The following PCCA variants were observed in gnomAD, a reference collection of about 807,000 sequenced individuals.
The protein encoded by PCCA is propionyl-CoA carboxylase subunit alpha.
In PCCA, 74 loss-of-function variants were observed where a neutral mutation model predicts 101.3. The observed-to-expected ratio is 0.73, with a 90% CI of 0.61 to 0.89. The LOEUF is 0.89. Ranked by LOEUF, PCCA falls within the 40% of genes least tolerant of loss-of-function variation. The pLI is 0.00. For synonymous variants in PCCA, 294 were observed against 313.6 expected, an observed-to-expected ratio of 0.94 and a Z score of 0.66; for missense variants, 891 against 907.0, an observed-to-expected ratio of 0.98 and a Z score of 0.23.
chr13:100,360,539 G>A (rs1313718253), intron 18 of PCCA, among the ~76,000 whole-genome samples: 1 of 152,114 alleles, frequency 6.6e-6, no homozygotes, highest in Non-Finnish European at 1.5e-5. Context: ...AGGACACAAA[G>A]CACTAAACAT....
At chr13:100,199,216 G>A (rs2058320297) in intron 6 of PCCA, among the ~76,000 whole-genome samples, 1 of 152,080 alleles carries the variant, frequency 6.6e-6, no homozygotes, top group Admixed American at 6.6e-5. Flanking sequence ...GGAAAGCTGT[G>A]TGACCCATCT....
intron 6 of PCCA, among the ~76,000 whole-genome samples, chr13:100,159,585 A>G (rs376166198): frequency 6.6e-6 from 1 of 152,212 alleles, no homozygotes; most frequent in African/African-American, 2.4e-5. Flanking sequence ...AGATAAGATC[A>G]ATATCTTTGT....
intron 4 of PCCA, among the ~76,000 whole-genome samples, chr13:100,140,795 G>A (rs2051774426): frequency 6.6e-6 from 1 of 152,122 alleles, no homozygotes; most frequent in Non-Finnish European, 1.5e-5. Flanking sequence ...GGCCAGGGGT[G>A]TTTCTTGAAA....
chr13:100,151,632 A>C (rs775925443), intron 4 of PCCA, among the ~76,000 whole-genome samples: 47 of 152,198 alleles, frequency 3.1e-4, no homozygotes, highest in South Asian at 8.3e-4. Flanking sequence ...CAAAACAAAA[A>C]AAACCCTAAA....
At chr13:100,133,370 G>A (rs1332844565) in intron 4 of PCCA, among the ~76,000 whole-genome samples, 1 of 152,100 alleles carries the variant, frequency 6.6e-6, no homozygotes, top group Non-Finnish European at 1.5e-5. Flanking sequence ...TCTTGACAGT[G>A]TCTACTGCAG....
intron 4 of PCCA, among the ~76,000 whole-genome samples, chr13:100,114,248 A>G (rs906976799): frequency 6.6e-6 from 1 of 152,048 alleles, no homozygotes; most frequent in South Asian, 2.1e-4. Context: ...AGCTCAAACA[A>G]CTCTATAGGA....
intron 6 of PCCA, among the ~76,000 whole-genome samples, chr13:100,191,267 G>A (rs1054027014): frequency 1.3e-5 from 2 of 152,206 alleles, no homozygotes; most frequent in South Asian, 2.1e-4. Flanking sequence ...AGCTTCTTAA[G>A]GTTTCAAGTG....
intron 18 of PCCA, among the ~76,000 whole-genome samples, chr13:100,366,833 ATATCCT>A (rs1192225931): frequency 1.3e-5 from 2 of 152,182 alleles, no homozygotes; most frequent in Non-Finnish European, 2.9e-5. Flanking sequence ...TATTTAAAAC[ATATCCT>A]TATCTTCAGA....
intron 18 of PCCA, among the ~76,000 whole-genome samples, chr13:100,367,375 TGTGTAAGTTTCC>T (rs1165890988): frequency 3.9e-5 from 6 of 152,060 alleles, no homozygotes; most frequent in African/African-American, 1.4e-4. Context: ...AAAGAAATAA[TGTGTAAGTTTCC>T]AAGATGAGGA....
At chr13:100,306,350 T>C (rs998834828) in intron 14 of PCCA, among the ~76,000 whole-genome samples, 3 of 152,358 alleles carry the variant, frequency 2.0e-5, no homozygotes, top group African/African-American at 4.8e-5. Flanking sequence ...AGGATGTGCC[T>C]GACAGTCTGA....
At chr13:100,276,945 T>C (rs1017729393) in intron 12 of PCCA, among the ~76,000 whole-genome samples, 3 of 152,180 alleles carry the variant, frequency 2.0e-5, no homozygotes, top group African/African-American at 7.2e-5. Flanking sequence ...TGTTGGGCCT[T>C]GTTATTATAC....
chr13:100,275,145 G>A (rs9518038), intron 12 of PCCA, among the ~76,000 whole-genome samples: 63,490 of 151,836 alleles, frequency 0.42, 15,268 homozygotes, highest in South Asian at 0.64. Flanking sequence ...GCACCAAGGG[G>A]CCGCTTGTGG....
At chr13:100,292,273 A>C (rs980990729) in intron 12 of PCCA, among the ~76,000 whole-genome samples, 1 of 152,196 alleles carries the variant, frequency 6.6e-6, no homozygotes, top group Non-Finnish European at 1.5e-5. Context: ...TCATTTAATC[A>C]TTGTTTTTGT....
chr13:100,456,736 T>G (rs753769048), intron 21 of PCCA, among the ~76,000 whole-genome samples: 4 of 152,220 alleles, frequency 2.6e-5, no homozygotes, highest in Non-Finnish European at 4.4e-5. Context: ...CTTTTACTAT[T>G]TCTTCTACCG....
At chr13:100,381,191 T>C (rs1241388980) in intron 19 of PCCA, among the ~76,000 whole-genome samples, 1 of 152,122 alleles carries the variant, frequency 6.6e-6, no homozygotes, top group Non-Finnish European at 1.5e-5. Flanking sequence ...GAGACTGTCT[T>C]GGCTAACACA....
chr13:100,180,530 C>T (rs1247866880), intron 6 of PCCA, among the ~76,000 whole-genome samples: 1 of 152,182 alleles, frequency 6.6e-6, no homozygotes, highest in East Asian at 1.9e-4. Context: ...CCCATGGGAA[C>T]CATTGACCAT....
intron 4 of PCCA, among the ~76,000 whole-genome samples, chr13:100,135,434 C>T (rs1056732458): frequency 2.6e-5 from 4 of 151,848 alleles, no homozygotes; most frequent in South Asian, 2.1e-4. Flanking sequence ...AGTGAGACTC[C>T]GTTATTGTTT....
chr13:100,250,628 G>C (rs1447333956), intron 8 of PCCA, among the ~76,000 whole-genome samples: 1 of 151,858 alleles, frequency 6.6e-6, no homozygotes, highest in Non-Finnish European at 1.5e-5. Flanking sequence ...CTTTCTGTCA[G>C]CTATTTTCCT....
rs114327630 is a variant in PCCA, at chr13:100,189,338, G to A, written c.469-19994G>A. Among the ~76,000 whole-genome samples, 1,224 of 152,250 alleles carry A rather than the reference G, an allele frequency of 8.0e-3. 17 individuals carry two copies. The highest frequency in any genetic ancestry group is 0.028 in the African/African-American group (1,157 of 41,530). On this transcript the variant is annotated intron_variant, in intron 6 of 23. Transcript: ENST00000376285. Reference sequence around the variant, plus strand: ...TGTCTTTGCTACTGTGAATAGTGCCGTAGTAAACATACGTGTGCATGTGTG... The same window carrying A: ...TGTCTTTGCTACTGTGAATAGTGCCATAGTAAACATACGTGTGCATGTGTG...
Sources: allele counts gnomAD v4.1 joint callset (sites outside exome capture counted in the v4.1 genomes callset), GRCh38; gene constraint gnomAD v4.1.1; transcripts MANE v1.5; gene names NCBI Gene and HGNC (gene_info 2026-07-23, HGNC 2026-07-21).